SRSF12: variants seen among roughly 807,000 people sequenced by gnomAD.
The protein encoded by SRSF12 is serine and arginine rich splicing factor 12.
In SRSF12, 21 loss-of-function variants were observed where a neutral mutation model predicts 34.1. The observed-to-expected ratio is 0.62, with a 90% CI of 0.44 to 0.89. The LOEUF (loss-of-function observed/expected upper bound fraction) is 0.89. Among genes scored for constraint, SRSF12 ranks in the 40% least tolerant of loss-of-function variants. The probability of loss-of-function intolerance (pLI) is 0.00; values close to 1 mark genes in which losing one functional copy is unlikely to be tolerated. For synonymous variants in SRSF12, 111 were observed against 110.8 expected (o/e 1.00, Z -0.01); for missense variants, 278 against 327.8 (o/e 0.85, Z 1.17).
Position 89,098,874 on chromosome 6 carries a change from C to G in SRSF12, c.490G>C (p.Ala164Pro). 5 of 1,613,896 alleles carry G rather than the reference C, an allele frequency of 3.1e-6. No homozygotes were observed. Among genetic ancestry groups the G allele is most frequent in the Non-Finnish European group, 4.2e-6 (5 of 1,179,890 alleles). ...CTTCTTGGAGTTCTTGACTGCCTTG[C>G]TGAGGTAGACCGCCTTGGTAATGAT... The part of the protein sequence containing the change: ...SKSLPRRSTS[A>P]RQSRTPRRNF... The change falls in exon 5 of 5, where the codon GCA becomes CCA. Residue 164 changes from alanine (A) to proline (P), a missense_variant. Physicochemically the swap from Ala to Pro is conservative, Grantham distance 27 (BLOSUM62 -1). Coordinates refer to ENST00000452027, the MANE Select transcript of SRSF12 (RefSeq NM_080743.5).
intron 1 of SRSF12, among the ~76,000 whole-genome samples, chr6:89,115,631 C>CTT (rs760005395): frequency 7.5e-4 from 97 of 128,954 alleles, no homozygotes; most frequent in African/African-American, 1.2e-3. Context: ...TTTTTTCTTT[C>CTT]TTTTTTTTTT....
At chr6:89,107,320 C>A in intron 1 of SRSF12, 62 bp from the exon 2 acceptor site, 4 of 1,310,178 alleles carry the variant, frequency 3.1e-6, no homozygotes, top group Non-Finnish European at 4.3e-6. Context: ...ATTTTGCCTA[C>A]AGAAATCCAC....
intron 1 of SRSF12, among the ~76,000 whole-genome samples, chr6:89,113,919 AG>A (rs2127996939): frequency 6.6e-6 from 1 of 152,322 alleles, no homozygotes; most frequent in Admixed American, 6.5e-5. Flanking sequence ...CTGGGATTAC[AG>A]GCATGAGCCA....
chr6:89,100,065 C>T (rs1030473908), intron 4 of SRSF12, among the ~76,000 whole-genome samples: 3 of 152,002 alleles, frequency 2.0e-5, no homozygotes, highest in Non-Finnish European at 4.4e-5. Context: ...GGGTGGGACA[C>T]GAGAGGCAAA....
At chr6:89,112,645 C>T (rs746348681) in intron 1 of SRSF12, among the ~76,000 whole-genome samples, 14 of 151,872 alleles carry the variant, frequency 9.2e-5, no homozygotes, top group Non-Finnish European at 1.5e-4. Flanking sequence ...CTCCTGTCCT[C>T]AAGGGATCCT....
chr6:89,098,882 G>A lies in SRSF12; in HGVS notation c.482C>T (p.Ser161Phe). Residue 161 changes from serine (S) to phenylalanine (F), a missense_variant, in exon 5 of 5, where the codon TCT becomes TTT. Ser to Phe is a radical substitution (Grantham distance 155, BLOSUM62 -2). Transcript: ENST00000452027. Reference sequence around the variant, plus strand: ...AGTTCTTGACTGCCTTGCTGAGGTAGACCGCCTTGGTAATGATTTGGAACG... The same window carrying A: ...AGTTCTTGACTGCCTTGCTGAGGTAAACCGCCTTGGTAATGATTTGGAACG... ...KSRSKSLPRR[S>F]TSARQSRTPR... 1.2e-6 allele frequency: 2 copies of A among 1,613,892 alleles called. No individual in the cohort carries two copies. The highest frequency in any genetic ancestry group is 8.5e-7 in the Non-Finnish European group (1 of 1,179,892).
intron 2 of SRSF12, chr6:89,105,855 T>A (rs962936387): frequency 1.9e-5 from 3 of 159,266 alleles, no homozygotes; most frequent in African/African-American, 7.2e-5. Context: ...CAAATTTGGC[T>A]AGCATTATAA....
chr6:89,109,556 A>G (rs1768950083), intron 1 of SRSF12, among the ~76,000 whole-genome samples: 1 of 152,170 alleles, frequency 6.6e-6, no homozygotes, highest in East Asian at 1.9e-4. Flanking sequence ...GCTAAGAGGA[A>G]AGGGATCATA....
chr6:89,103,082 T>C (rs1768611697), intron 4 of SRSF12, among the ~76,000 whole-genome samples: 1 of 151,954 alleles, frequency 6.6e-6, no homozygotes, highest in Admixed American at 6.6e-5. Context: ...GTTTTTAAAA[T>C]GAGAAAAACT....
At position 89,098,460 on chromosome 6, in the gene SRSF12, T is replaced by C; in HGVS notation, c.*118A>G. 1.5e-6 allele frequency: 2 copies of C among 1,292,884 alleles called. No homozygotes were observed. The highest frequency in any genetic ancestry group is 2.9e-5 in the Admixed American group (1 of 34,710). The allele number at this position is 1,292,884 out of a possible 1,614,324, so 80.1% of individuals were successfully genotyped here. A position where few individuals can be genotyped will look rare whatever the true frequency, so the allele number is the denominator to read the frequency against. On this transcript the variant is annotated 3_prime_UTR_variant, in exon 5 of 5. Transcript: ENST00000452027. The stretch of plus-strand genomic sequence containing the variant: ...AGCTAGAGATTTTATTTCTTCCATA[T>C]GCCCAAAGTAACTAATATCAACTCG...
Position 89,099,887 on chromosome 6 carries a change from G to A in SRSF12, c.417-940C>T, listed in dbSNP as rs576662574. ...AACATTTATAAAACAACTGTTCGAA[G>A]GCACTGGAGGATAATCAACACAAGC... On this transcript the variant is annotated intron_variant, in intron 4 of 4. Transcript: ENST00000452027. Among the ~76,000 whole-genome samples the A allele has an allele frequency of 7.2e-5, 11 of 152,224 alleles. No homozygotes were observed. In the South Asian group the frequency reaches 2.3e-3, roughly 32 times the overall value.
intron 1 of SRSF12, among the ~76,000 whole-genome samples, chr6:89,109,867 G>A (rs1053158779): frequency 1.3e-5 from 2 of 152,150 alleles, no homozygotes; most frequent in African/African-American, 2.4e-5. Flanking sequence ...CGAGGTGGGC[G>A]GATTACGAGG....
At chr6:89,113,946 A>C (rs1354213394) in intron 1 of SRSF12, among the ~76,000 whole-genome samples, 1 of 152,184 alleles carries the variant, frequency 6.6e-6, no homozygotes, top group African/African-American at 2.4e-5. Flanking sequence ...CCCTATCTTT[A>C]AAGCTAATTT....
intron 4 of SRSF12, 67 bp downstream of exon 4, chr6:89,105,052 T>C: frequency 7.2e-7 from 1 of 1,389,862 alleles, no homozygotes; most frequent in South Asian, 1.5e-5. Context: ...TGAGACCCTA[T>C]CAAAAAAATA....
chr6:89,109,949 G>T (rs552916205), intron 1 of SRSF12, among the ~76,000 whole-genome samples: 4 of 152,086 alleles, frequency 2.6e-5, no homozygotes, highest in African/African-American at 4.8e-5. Context: ...AAATTAACTG[G>T]GCGTGGTGGC....
At chr6:89,101,109 C>CAAAAAAAAAAAA (rs764910655) in intron 4 of SRSF12, among the ~76,000 whole-genome samples, 1 of 54,590 alleles carries the variant, frequency 1.8e-5, no homozygotes, top group Non-Finnish European at 4.7e-5. Context: ...ACCTCCAAGA[C>CAAAAAAAAAAAA]AAAAAAAAAA....
intron 4 of SRSF12, among the ~76,000 whole-genome samples, chr6:89,103,302 A>G (rs1025837587): frequency 9.9e-5 from 15 of 152,044 alleles, no homozygotes; most frequent in Non-Finnish European, 2.1e-4. Context: ...CTAAGGCTGT[A>G]ATGCATTTAG....
In SRSF12 at chr6:89,105,173, C is replaced by T. The variant is rs1201651820; in HGVS notation, c.362G>A (p.Arg121Gln). 9 of 1,612,326 alleles carry T rather than the reference C, an allele frequency of 5.6e-6. No homozygotes were observed. The highest frequency in any genetic ancestry group is 1.3e-5 in the African/African-American group (1 of 75,010). The change falls in exon 4 of 5, where the codon CGA (arginine) becomes CAA (glutamine). Residue 121 changes from arginine to glutamine, a missense_variant. Arg to Gln is a conservative substitution (Grantham distance 43, BLOSUM62 1). Transcript: ENST00000452027. The part of the protein sequence containing the change: ...RSRSPSQRRT[R>Q]SRSSSWGRNR... The stretch of plus-strand genomic sequence containing the variant: ...TCTTCCCCATGAAGAACTTCTACTT[C>T]GAGTTCTTCTTTGGCTGGGGCTTCT...
intron 4 of SRSF12, among the ~76,000 whole-genome samples, chr6:89,103,224 A>C (rs1768618019): frequency 6.6e-6 from 1 of 152,182 alleles, no homozygotes; most frequent in African/African-American, 2.4e-5. Context: ...CTTTACTTCC[A>C]CTAGAAGGCA....
Sources: gnomAD v4.1 joint callset for allele counts (sites outside exome capture counted in the v4.1 genomes callset) on GRCh38, gnomAD v4.1.1 for gene constraint, MANE v1.5 for transcripts, NCBI Gene and HGNC (gene_info 2026-07-23, HGNC 2026-07-21) for gene names.